Variants in LAMC1 observed in about 807,000 individuals in gnomAD.
LAMC1 encodes the protein laminin subunit gamma-1.
LAMC1 carries 38 observed loss-of-function variants against 173.6 expected under a neutral mutation model. That is an observed-to-expected ratio of 0.22 (90% confidence interval 0.17 to 0.29). LAMC1 has a LOEUF of 0.29. LAMC1 is among the 10% of genes least tolerant of loss of function. The pLI, the probability that LAMC1 is intolerant of heterozygous loss-of-function variation, is 1.00. For synonymous variants in LAMC1, 746 were observed against 749.1 expected, an observed-to-expected ratio of 1.00 and a Z score of 0.07; for missense variants, 1,824 against 2,051.8, an observed-to-expected ratio of 0.89 and a Z score of 2.14.
chr1:183,086,410 T>C (rs16860060), intron 1 of LAMC1, among the ~76,000 whole-genome samples: 3,650 of 152,342 alleles, frequency 0.024, 148 homozygotes, highest in African/African-American at 0.083. Context: ...TTTCAAGTGA[T>C]AGAAGCAAGA....
intron 1 of LAMC1, among the ~76,000 whole-genome samples, chr1:183,031,180 T>C (rs901279744): frequency 6.6e-6 from 1 of 152,216 alleles, no homozygotes; most frequent in East Asian, 1.9e-4. Context: ...TTCTTTAGGA[T>C]AGTGAAAGGA....
rs10797846 is a variant in LAMC1 at position 183,118,350 on chromosome 1, A to T, written c.1990+204A>T. ...AAAAAATTTGGTAAAATTAGTAAAT[A>T]GTATTATTTACTAATTGATTACTCA... On this transcript the variant is annotated intron_variant, in intron 11 of 27. Transcript: ENST00000258341. 0.52 allele frequency among the ~76,000 whole-genome samples: 78,758 copies of T among 151,988 alleles called. 21,094 individuals are homozygous for T. The highest frequency in any genetic ancestry group is 0.65 in the South Asian group (3,135 of 4,822).
chr1:183,125,784 A>T (rs1303037036), intron 15 of LAMC1, among the ~76,000 whole-genome samples: 1 of 152,148 alleles, frequency 6.6e-6, no homozygotes, highest in African/African-American at 2.4e-5. Flanking sequence ...TTAAAAGCAC[A>T]AATTGCCGGG....
At chr1:183,048,980 A>G (rs1193704876) in intron 1 of LAMC1, among the ~76,000 whole-genome samples, 1 of 152,224 alleles carries the variant, frequency 6.6e-6, no homozygotes, top group Non-Finnish European at 1.5e-5. Context: ...CCAACTGGAG[A>G]TATGATGGCA....
intron 25 of LAMC1, among the ~76,000 whole-genome samples, chr1:183,136,788 G>T (rs4652780): frequency 1.3e-5 from 2 of 151,714 alleles, no homozygotes; most frequent in African/African-American, 4.8e-5. Context: ...TCAGTAAAAG[G>T]GTGCTTTACT....
At chr1:183,077,771 A>C (rs1655151614) in intron 1 of LAMC1, among the ~76,000 whole-genome samples, 1 of 73,534 alleles carries the variant, frequency 1.4e-5, no homozygotes. Flanking sequence ...TTTTATGGCC[A>C]TTGTGTATAT....
At chr1:183,053,771 G>C (rs763706636) in intron 1 of LAMC1, among the ~76,000 whole-genome samples, 1 of 151,938 alleles carries the variant, frequency 6.6e-6, no homozygotes, top group Non-Finnish European at 1.5e-5. Flanking sequence ...GATTACAGGC[G>C]CACACCATCA....
intron 26 of LAMC1, 55 bp from the exon 27 acceptor site, chr1:183,140,349 T>A: frequency 9.3e-7 from 1 of 1,071,434 alleles, no homozygotes; most frequent in Non-Finnish European, 1.3e-6. Flanking sequence ...GAAAAAAGAT[T>A]TAAAGAAGAT....
intron 1 of LAMC1, among the ~76,000 whole-genome samples, chr1:183,079,496 T>C (rs951185398): frequency 3.3e-5 from 5 of 151,934 alleles, no homozygotes; most frequent in African/African-American, 1.2e-4. Context: ...CCTCAAGTGA[T>C]CTGCCTGCCT....
chr1:183,126,830 TAAAC>T (rs1656633250), intron 16 of LAMC1, among the ~76,000 whole-genome samples: 1 of 152,232 alleles, frequency 6.6e-6, no homozygotes, highest in Non-Finnish European at 1.5e-5. Context: ...ACACAGTGAA[TAAAC>T]AAACTATAAG....
intron 1 of LAMC1, 99 bp downstream of exon 1, chr1:183,024,233 G>A: frequency 3.4e-6 from 4 of 1,187,002 alleles, no homozygotes; most frequent in Admixed American, 5.4e-5. Flanking sequence ...GCAGACGGCC[G>A]CGTGTTTGCT....
At chr1:183,104,635 T>G (rs371851717) in intron 2 of LAMC1, among the ~76,000 whole-genome samples, 2 of 152,242 alleles carry the variant, frequency 1.3e-5, no homozygotes, top group African/African-American at 4.8e-5. Context: ...GATCTTCTTA[T>G]TCTTTCTCAC....
chr1:183,060,393 G>GA (rs113876062), intron 1 of LAMC1, among the ~76,000 whole-genome samples: 3,444 of 102,544 alleles, frequency 0.034, 125 homozygotes, highest in African/African-American at 0.11. Context: ...TCTCAAAAAA[G>GA]AAAAAAAAAA....
At chr1:183,122,589 A>T (rs1311757030) in intron 13 of LAMC1, among the ~76,000 whole-genome samples, 1 of 152,002 alleles carries the variant, frequency 6.6e-6, no homozygotes, top group Non-Finnish European at 1.5e-5. Context: ...TGAGCTACCT[A>T]CTTGCCATTT....
chr1:183,091,934 G>A (rs1655576044), intron 1 of LAMC1, among the ~76,000 whole-genome samples: 1 of 152,196 alleles, frequency 6.6e-6, no homozygotes, highest in Non-Finnish European at 1.5e-5. Context: ...ATCCCCAGCA[G>A]TAAGTAGGTT....
chr1:183,050,281 CTTTTTTTT>C (rs892649686), intron 1 of LAMC1, among the ~76,000 whole-genome samples: 74 of 115,520 alleles, frequency 6.4e-4, no homozygotes, highest in African/African-American at 2.5e-3. Flanking sequence ...TTCTCAGATT[CTTTTTTTT>C]TTTTTTTTTT....
At chr1:183,077,234 C>G (rs1228336506) in intron 1 of LAMC1, among the ~76,000 whole-genome samples, 1 of 152,072 alleles carries the variant, frequency 6.6e-6, no homozygotes, top group Non-Finnish European at 1.5e-5. Flanking sequence ...TTTGAAGTAC[C>G]TAGGAGAATA....
chr1:183,109,133 C>G (rs543108177), intron 3 of LAMC1, among the ~76,000 whole-genome samples: 1 of 152,298 alleles, frequency 6.6e-6, no homozygotes, highest in South Asian at 2.1e-4. Flanking sequence ...GACTTACCTC[C>G]CCTGTGTTAG....
At chr1:183,127,834 A>G (rs4651141) in intron 17 of LAMC1, among the ~76,000 whole-genome samples, 78,701 of 151,934 alleles carry the variant, frequency 0.52, 21,077 homozygotes, top group South Asian at 0.65. Flanking sequence ...GTTGGTACGG[A>G]CAGGTTATAT....
Sources: gnomAD v4.1 joint callset for allele counts (sites outside exome capture counted in the v4.1 genomes callset) on GRCh38, gnomAD v4.1.1 for gene constraint, MANE v1.5 for transcripts, NCBI Gene and HGNC (gene_info 2026-07-23, HGNC 2026-07-21) for gene names.